The following FGF2 variants were observed in gnomAD, a reference collection of about 807,000 sequenced individuals.
The protein encoded by FGF2 is basic fibroblast growth factor bFGF.
In FGF2, 13 loss-of-function variants were observed where a neutral mutation model predicts 15.9. The ratio of observed to expected loss-of-function variants is 0.82; its 90% CI spans 0.53 to 1.30. FGF2 has a LOEUF of 1.30. Ranked by LOEUF, FGF2 falls within the 50% of genes most tolerant of loss-of-function variation. The probability of loss-of-function intolerance (pLI) is 0.00; values close to 1 mark genes in which losing one functional copy is unlikely to be tolerated. For missense variants in FGF2, 163 were observed against 196.9 expected (o/e 0.83, Z 1.03); for synonymous variants, 90 against 78.4 (o/e 1.15, Z -0.78).
In FGF2 at chr4:122,897,877, T is replaced by C; in HGVS notation, c.*5481T>C. On this transcript the variant is annotated 3_prime_UTR_variant, in exon 3 of 3. Coordinates refer to ENST00000644866, the MANE Select transcript of FGF2 (RefSeq NM_001361665.2). Reference sequence around the variant, plus strand: ...GGGGAGCTGGTAACTGATGAAATCTTTTCCCACCTTTTCTCTTCAGGAAAT... The same window carrying C: ...GGGGAGCTGGTAACTGATGAAATCTCTTCCCACCTTTTCTCTTCAGGAAAT... The C allele has an allele frequency of 5.3e-6, 3 of 561,604 alleles. No homozygotes were observed. The highest frequency in any genetic ancestry group is 9.6e-6 in the Non-Finnish European group (3 of 311,526). 34.8% of individuals were successfully genotyped at this position (561,604 alleles called of 1,614,324 possible). A position where few individuals can be genotyped will look rare whatever the true frequency, so the allele number is the denominator to read the frequency against.
chr4:122,830,470 C>T (rs1219662563), intron 1 of FGF2, among the ~76,000 whole-genome samples: 2 of 152,096 alleles, frequency 1.3e-5, no homozygotes, highest in Admixed American at 6.6e-5. Context: ...CAAAAGGGCC[C>T]ATTTTCTGGC....
intron 1 of FGF2, among the ~76,000 whole-genome samples, chr4:122,856,945 C>T (rs764059685): frequency 5.9e-5 from 9 of 152,190 alleles, no homozygotes; most frequent in Non-Finnish European, 1.0e-4. Context: ...CAACAGCTGG[C>T]CCCTGAGAAG....
chr4:122,826,730 G>T, upstream of FGF2: 1 of 1,261,228 alleles, frequency 7.9e-7, no homozygotes, highest in East Asian at 3.1e-5. Flanking sequence ...ACCCGAGCGA[G>T]TAGGGGGCGG....
intron 1 of FGF2, among the ~76,000 whole-genome samples, chr4:122,850,698 A>G (rs547195434): frequency 6.6e-6 from 1 of 152,312 alleles, no homozygotes; most frequent in Non-Finnish European, 1.5e-5. Context: ...AAAACTCCCA[A>G]GTAGCTAGTT....
At chr4:122,884,211 A>G (rs1188060198) in intron 2 of FGF2, among the ~76,000 whole-genome samples, 2 of 152,254 alleles carry the variant, frequency 1.3e-5, no homozygotes, top group Non-Finnish European at 2.9e-5. Context: ...GATCAAATTT[A>G]GGCCTGGCAC....
chr4:122,826,923 C>T lies in FGF2; in HGVS notation c.-252C>T. The T allele has an allele frequency of 6.7e-7, 1 of 1,492,464 alleles. No homozygotes were observed. The highest frequency in any genetic ancestry group is 8.9e-7 in the Non-Finnish European group (1 of 1,122,514). The allele number at this position is 1,492,464 out of a possible 1,614,324, so 92.5% of individuals were successfully genotyped here. On this transcript the variant is annotated 5_prime_UTR_variant, in exon 1 of 3. Coordinates refer to ENST00000644866, the MANE Select transcript of FGF2 (RefSeq NM_001361665.2). ...TCTCCCCAGGCGGCGTCCGCGGAGA[C>T]ACCCATCCGTGAACCCCAGGTCCCG... is the stretch of plus-strand genomic sequence containing the variant.
chr4:122,844,358 G>T (rs2150767658), intron 1 of FGF2, among the ~76,000 whole-genome samples: 1 of 152,190 alleles, frequency 6.6e-6, no homozygotes, highest in African/African-American at 2.4e-5. Flanking sequence ...CCCATCTGCA[G>T]TTACTTCTTC....
rs1726897758 is a variant in FGF2 at position 122,878,342 on chromosome 4, T to A, written c.282+1918T>A. Among the ~76,000 whole-genome samples, 4 of 152,240 alleles carry A rather than the reference T, an allele frequency of 2.6e-5. No homozygotes were observed. In the South Asian group the frequency reaches 8.3e-4, roughly 32 times the overall value. On this transcript the variant is annotated intron_variant, in intron 2 of 2. Transcript: ENST00000644866. ...AAGGAAGGAGTTCAGCAGGCAGTCA[T>A]GGGGCAGAAGAAATTGAGATGAAGG...
intron 1 of FGF2, among the ~76,000 whole-genome samples, chr4:122,851,576 G>A (rs141939205): frequency 6.0e-4 from 92 of 152,328 alleles, no homozygotes; most frequent in African/African-American, 2.0e-3. Context: ...CTAGTAGATA[G>A]TGTTGTGAGT....
chr4:122,827,634 TG>T lies in FGF2; in HGVS notation c.178+284del, dbSNP rs1422437406. Among the ~76,000 whole-genome samples, 1 of 152,116 alleles carries T rather than the reference TG, an allele frequency of 6.6e-6. No individual in the cohort carries two copies. The highest frequency in any genetic ancestry group is 6.5e-5 in the Admixed American group (1 of 15,278). On this transcript the variant is annotated intron_variant, in intron 1 of 2. Transcript: ENST00000644866. The surrounding 1 kb of genome is among the most constrained non-coding windows in gnomAD (Gnocchi z 4.2). The stretch of plus-strand genomic sequence containing the variant: ...CGCGGCGCGCCGGGGCCTCGCGGAC[TG>T]GCTGTCTTCCCGCGGACAACCTGTC...
At position 122,893,803 on chromosome 4, in the gene FGF2, C is replaced by A. The variant is rs964463113; in HGVS notation, c.*1407C>A. On this transcript the variant is annotated 3_prime_UTR_variant, in exon 3 of 3. Coordinates refer to ENST00000644866, the MANE Select transcript of FGF2 (RefSeq NM_001361665.2). ...TTTGTGGCTGCTTTTTCTACACATC[C>A]AGATGGTCCCTCTAACTGGGCTTTC... 5.9e-5 allele frequency: 9 copies of A among 152,182 alleles called. No individual in the cohort carries two copies. The allele number at this position is 152,182 out of a possible 1,614,324, so 9.4% of individuals were successfully genotyped here.
chr4:122,868,834 A>G (rs1479104719), intron 1 of FGF2, among the ~76,000 whole-genome samples: 1 of 152,058 alleles, frequency 6.6e-6, no homozygotes, highest in African/African-American at 2.4e-5. Context: ...ATGGTATCTC[A>G]TTGTGGTTTT....
At chr4:122,838,986 C>G (rs1042532248) in intron 1 of FGF2, among the ~76,000 whole-genome samples, 1 of 152,152 alleles carries the variant, frequency 6.6e-6, no homozygotes, top group Non-Finnish European at 1.5e-5. Context: ...AACACAAATA[C>G]TTAGCACCAT....
chr4:122,857,853 ATTTT>A (rs34667057), intron 1 of FGF2, among the ~76,000 whole-genome samples: 2 of 152,332 alleles, frequency 1.3e-5, no homozygotes, highest in South Asian at 2.1e-4. Flanking sequence ...TGTTGCACTT[ATTTT>A]TAATTAAATT....
At chr4:122,873,343 G>A (rs1453362460) in intron 1 of FGF2, among the ~76,000 whole-genome samples, 2 of 152,260 alleles carry the variant, frequency 1.3e-5, no homozygotes, top group African/African-American at 4.8e-5. Flanking sequence ...AAGGCCCAGT[G>A]TACTTGAAGA....
At chr4:122,892,134 T>C in intron 2 of FGF2, 77 bp from the exon 3 acceptor site, 1 of 1,251,334 alleles carries the variant, frequency 8.0e-7, no homozygotes, top group Non-Finnish European at 1.1e-6. Context: ...GGCATTATAC[T>C]ATCATAAATA....
At chr4:122,873,877 T>A (rs1157308482) in intron 1 of FGF2, among the ~76,000 whole-genome samples, 2 of 152,230 alleles carry the variant, frequency 1.3e-5, no homozygotes, top group African/African-American at 4.8e-5. Flanking sequence ...TATTGCTTAG[T>A]GGTTTAATGA....
chr4:122,892,925 G>T lies in FGF2; in HGVS notation c.*529G>T. ...GTAAACTGCTGGAAGTTCTTCCACA[G>T]TCAGGTCAATTTTGTCAAACCCTTC... is the stretch of plus-strand genomic sequence containing the variant. On this transcript the variant is annotated 3_prime_UTR_variant, in exon 3 of 3. Transcript: ENST00000644866. The T allele has an allele frequency of 6.2e-7, 1 of 1,614,156 alleles. No individual in the cohort carries two copies. The highest frequency in any genetic ancestry group is 8.5e-7 in the Non-Finnish European group (1 of 1,180,014).
Position 122,894,681 on chromosome 4 carries a change from A to C in FGF2, c.*2285A>C, listed in dbSNP as rs1477838819. 1 of 152,204 alleles carries C rather than the reference A, an allele frequency of 6.6e-6. No individual in the cohort carries two copies. The highest frequency in any genetic ancestry group is 1.5e-5 in the Non-Finnish European group (1 of 68,022). The allele number at this position is 152,204 out of a possible 1,614,324, so 9.4% of individuals were successfully genotyped here. Reference sequence around the variant, plus strand: ...ATTTATTATTTAAGATGGTAGCACTAGTCTTAAATTGTATAAAATATCCCC... The same window carrying C: ...ATTTATTATTTAAGATGGTAGCACTCGTCTTAAATTGTATAAAATATCCCC... On this transcript the variant is annotated 3_prime_UTR_variant, in exon 3 of 3. Transcript: ENST00000644866.
Sources: gnomAD v4.1 joint callset for allele counts (sites outside exome capture counted in the v4.1 genomes callset) on GRCh38, gnomAD v4.1.1 for gene constraint, Gnocchi (gnomAD v3.1) non-coding constraint, MANE v1.5 for transcripts, NCBI Gene and HGNC (gene_info 2026-07-23, HGNC 2026-07-21) for gene names.